DYRK1A: variants seen among roughly 807,000 people sequenced by gnomAD.
DYRK1A encodes the protein dual specificity tyrosine phosphorylation regulated kinase 1A, also known as dual specificity tyrosine-phosphorylation-regulated kinase 1A.
DYRK1A carries 9 observed loss-of-function variants against 79.7 expected under a neutral mutation model. The observed-to-expected ratio is 0.11, with a 90% CI of 0.07 to 0.20. DYRK1A has a LOEUF of 0.20. Among genes scored for constraint, DYRK1A ranks in the 10% least tolerant of loss-of-function variants. DYRK1A has a pLI of 1.00. For synonymous variants in DYRK1A, 349 were observed against 329.7 expected (o/e 1.06, Z -0.63); for missense variants, 622 against 956.0 (o/e 0.65, Z 4.61).
chr21:37,470,545 G>A (rs1015375920), intron 2 of DYRK1A, among the ~76,000 whole-genome samples: 4 of 152,168 alleles, frequency 2.6e-5, no homozygotes, highest in Admixed American at 1.3e-4. Flanking sequence ...TTCATAGATA[G>A]GGAATCTAAG....
intron 1 of DYRK1A, among the ~76,000 whole-genome samples, chr21:37,412,315 A>C (rs190422461): frequency 3.9e-5 from 6 of 152,340 alleles, no homozygotes; most frequent in Admixed American, 6.5e-5. Flanking sequence ...TCCAGGTTGA[A>C]AGTTCTGTGT....
At chr21:37,368,632 C>G (rs2049366409) in intron 1 of DYRK1A, among the ~76,000 whole-genome samples, 1 of 152,062 alleles carries the variant, frequency 6.6e-6, no homozygotes, top group Admixed American at 6.6e-5. Flanking sequence ...TTAGGGTTTT[C>G]AGTGGATCGA....
intron 9 of DYRK1A, among the ~76,000 whole-genome samples, chr21:37,497,202 C>T (rs531936220): frequency 1.4e-4 from 22 of 152,242 alleles, no homozygotes; most frequent in Middle Eastern, 3.4e-3. Flanking sequence ...GATGGTTGAT[C>T]GCCTTAATTC....
chr21:37,374,374 T>C (rs1205352565), intron 1 of DYRK1A, among the ~76,000 whole-genome samples: 3 of 150,018 alleles, frequency 2.0e-5, no homozygotes, highest in African/African-American at 7.4e-5. Flanking sequence ...TCCTGTGGAT[T>C]TGAAAAAAGA....
intron 1 of DYRK1A, among the ~76,000 whole-genome samples, chr21:37,405,477 T>A (rs554282878): frequency 4.6e-5 from 7 of 152,310 alleles, no homozygotes; most frequent in Non-Finnish European, 8.8e-5. Flanking sequence ...TCTTTCATTG[T>A]CTTGACTGCA....
At chr21:37,435,463 C>T (rs2050897522) in intron 2 of DYRK1A, among the ~76,000 whole-genome samples, 1 of 152,140 alleles carries the variant, frequency 6.6e-6, no homozygotes, top group Non-Finnish European at 1.5e-5. Flanking sequence ...GATTTTAGAA[C>T]AGAAGTGGAA....
chr21:37,498,365 A>T (rs1210748251), intron 9 of DYRK1A, among the ~76,000 whole-genome samples: 3 of 152,188 alleles, frequency 2.0e-5, no homozygotes, highest in African/African-American at 7.2e-5. Flanking sequence ...CTTTTCTGTT[A>T]TCCCACTACT....
chr21:37,422,102 G>C (rs2050491958), intron 2 of DYRK1A, among the ~76,000 whole-genome samples: 1 of 151,982 alleles, frequency 6.6e-6, no homozygotes, highest in African/African-American at 2.4e-5. Context: ...ATGAATGCTA[G>C]AACACAAGAA....
intron 2 of DYRK1A, among the ~76,000 whole-genome samples, chr21:37,456,889 C>G (rs1200629643): frequency 6.6e-6 from 1 of 152,060 alleles, no homozygotes. Context: ...CTTTTTATTA[C>G]TTTTTAATTG....
At chr21:37,410,113 A>G (rs996866189) in intron 1 of DYRK1A, among the ~76,000 whole-genome samples, 2 of 152,232 alleles carry the variant, frequency 1.3e-5, no homozygotes, top group African/African-American at 2.4e-5. Flanking sequence ...GCCAGGACTC[A>G]TGCTTAAATA....
intron 2 of DYRK1A, among the ~76,000 whole-genome samples, chr21:37,454,437 G>A (rs2051567345): frequency 6.6e-6 from 1 of 152,118 alleles, no homozygotes; most frequent in Non-Finnish European, 1.5e-5. Flanking sequence ...TTGACACATA[G>A]ACATGGAGCA....
At chr21:37,447,227 G>C (rs2051302578) in intron 2 of DYRK1A, among the ~76,000 whole-genome samples, 1 of 152,108 alleles carries the variant, frequency 6.6e-6, no homozygotes, top group South Asian at 2.1e-4. Flanking sequence ...AGATTTGTCA[G>C]TGAATGAAGC....
Position 37,496,660 on chromosome 21 carries a change from A to G in DYRK1A, c.1212+402A>G, listed in dbSNP as rs368684406. Among the ~76,000 whole-genome samples, 27 of 151,756 alleles carry G rather than the reference A, an allele frequency of 1.8e-4. No individual in the cohort carries two copies. The East Asian group carries it at 2.3e-3, about 13-fold the overall frequency. On this transcript the variant is annotated intron_variant, in intron 9 of 11. Transcript: ENST00000647188. Reference sequence around the variant, plus strand: ...TGGAGTAAATGATTTTTTTTTTTTAAGTTCAGTTGGTAAATTATGTCAGAA... The same window carrying G: ...TGGAGTAAATGATTTTTTTTTTTTAGGTTCAGTTGGTAAATTATGTCAGAA...
chr21:37,402,626 C>G (rs35034340), intron 1 of DYRK1A, among the ~76,000 whole-genome samples: 6,552 of 152,168 alleles, frequency 0.043, 188 homozygotes, highest in Middle Eastern at 0.092. Context: ...AGATATTTAT[C>G]CCTTTTTTTT....
At chr21:37,483,832 C>A (rs562845603) in intron 5 of DYRK1A, among the ~76,000 whole-genome samples, 1 of 152,216 alleles carries the variant, frequency 6.6e-6, no homozygotes, top group East Asian at 1.9e-4. Flanking sequence ...GTCCTCGCAT[C>A]TCAGCTTCCC....
chr21:37,468,441 T>C (rs2052109421), intron 2 of DYRK1A, among the ~76,000 whole-genome samples: 1 of 152,216 alleles, frequency 6.6e-6, no homozygotes, highest in Non-Finnish European at 1.5e-5. Context: ...CAGAATTTCC[T>C]GTTGGATCTT....
At position 37,505,310 on chromosome 21, in the gene DYRK1A, C is replaced by T. The variant is rs202018285; in HGVS notation, c.1240C>T (p.Leu414Phe). ...GTACAAACCACCAGGAACCCGTAAA[C>T]TTCATAACATTCTTGGAGTGGAAAC... ...REYKPPGTRK[L>F]HNILGVETGG... Residue 414 changes from leucine (L) to phenylalanine (F), a missense_variant, in exon 10 of 12, where the codon CTT becomes TTT. Leu to Phe is a conservative substitution (Grantham distance 22, BLOSUM62 0). Transcript: ENST00000647188. 12 of 1,613,752 alleles carry T rather than the reference C, an allele frequency of 7.4e-6. No individual in the cohort carries two copies. In the African/African-American group the frequency reaches 1.6e-4, roughly 22 times the overall value.
Position 37,496,276 on chromosome 21 carries a change from C to G in DYRK1A, c.1212+18C>G. On this transcript the variant is annotated intron_variant, in intron 9 of 11. Coordinates refer to ENST00000647188, the MANE Select transcript of DYRK1A (RefSeq NM_001347721.2). ...GAAAACGGGTAAAATAAGGATATAT[C>G]TGTTTTGAGCCTTTATTAAATTTCT... 6.3e-7 allele frequency: 1 copy of G among 1,590,972 alleles called. No individual in the cohort carries two copies. Among genetic ancestry groups the G allele is most frequent in the Non-Finnish European group, 8.5e-7 (1 of 1,172,628 alleles).
At chr21:37,422,678 G>A (rs546151126) in intron 2 of DYRK1A, among the ~76,000 whole-genome samples, 99 of 152,250 alleles carry the variant, frequency 6.5e-4, no homozygotes, top group South Asian at 6.2e-3. Flanking sequence ...AACTTTGTGA[G>A]GTGATGAATA....
Sources: allele counts gnomAD v4.1 joint callset (sites outside exome capture counted in the v4.1 genomes callset), GRCh38; gene constraint gnomAD v4.1.1; transcripts MANE v1.5; gene names NCBI Gene and HGNC (gene_info 2026-07-23, HGNC 2026-07-21).